Variants in BCCIP observed in about 807,000 individuals in gnomAD.
BCCIP encodes the protein BRCA2 and CDKN1A interacting protein.
A neutral mutation model predicts 32.8 loss-of-function variants in BCCIP; 23 were observed. That is an observed-to-expected ratio of 0.70 (90% CI 0.51 to 0.99). The LOEUF (loss-of-function observed/expected upper bound fraction) is 0.99. BCCIP is among the 50% of genes least tolerant of loss of function. The pLI, the probability that BCCIP is intolerant of heterozygous loss-of-function variation, is 0.00. For missense variants in BCCIP, 378 were observed against 379.8 expected (o/e 1.00, Z 0.04); for synonymous variants, 144 against 137.6 (o/e 1.05, Z -0.33).
downstream of BCCIP, among the ~76,000 whole-genome samples, chr10:125,840,522 T>C (rs1346629570): frequency 1.3e-5 from 2 of 152,250 alleles, no homozygotes; most frequent in Non-Finnish European, 2.9e-5. Flanking sequence ...GCTGTTCTTG[T>C]CTTCCTCCAA....
At chr10:125,842,820 CTT>C (rs879067600), downstream of BCCIP, 1 of 940,224 alleles carries the variant, frequency 1.1e-6, no homozygotes, top group African/African-American at 1.8e-5. Flanking sequence ...CTCTCCATCT[CTT>C]TATTTCTTTT....
intron 1 of BCCIP, among the ~76,000 whole-genome samples, chr10:125,825,010 C>T (rs1050771198): frequency 6.6e-6 from 1 of 152,254 alleles, no homozygotes; most frequent in Non-Finnish European, 1.5e-5. Context: ...TCTTCCTTCC[C>T]TTACAAATTT....
At chr10:125,825,715 C>G (rs1259513207) in intron 1 of BCCIP, 1 of 152,212 alleles carries the variant, frequency 6.6e-6, no homozygotes, top group Non-Finnish European at 1.5e-5. Flanking sequence ...CCTGAAGTGC[C>G]TTTAAATATA....
intron 2 of BCCIP, 26 bp downstream of exon 2, chr10:125,826,691 A>G: frequency 6.2e-7 from 1 of 1,610,384 alleles, no homozygotes. Context: ...TATTATGCAT[A>G]AATTTCCTCT....
chr10:125,839,046 G>A, downstream of BCCIP: 1 of 1,614,182 alleles, frequency 6.2e-7, no homozygotes, highest in South Asian at 1.1e-5. Context: ...TGTTTAGAGT[G>A]TTTTCCTTGG....
downstream of BCCIP, among the ~76,000 whole-genome samples, chr10:125,844,843 C>T (rs747627043): frequency 3.9e-5 from 6 of 152,234 alleles, no homozygotes; most frequent in Non-Finnish European, 7.3e-5. Context: ...CTTTATTAAG[C>T]TCGCTTGCCA....
intron 3 of BCCIP, 95 bp downstream of exon 3, chr10:125,827,733 G>A: frequency 1.1e-6 from 1 of 924,658 alleles, no homozygotes; most frequent in African/African-American, 1.7e-5. Flanking sequence ...ACTTTGGGAA[G>A]CAAAGGTGGG....
At chr10:125,835,955 T>G in intron 6 of BCCIP, 149 bp from the exon 7 acceptor site, 1 of 691,654 alleles carries the variant, frequency 1.4e-6, no homozygotes, top group Non-Finnish European at 2.4e-6. Flanking sequence ...AATGTCCCAT[T>G]TGAACTTTTT....
downstream of BCCIP, chr10:125,841,089 C>A: frequency 6.9e-7 from 1 of 1,447,986 alleles, no homozygotes. Flanking sequence ...CTGTTAGTGG[C>A]ATGGCTCCTG....
At chr10:125,827,845 G>A (rs150477909) in intron 3 of BCCIP, among the ~76,000 whole-genome samples, 196 of 151,988 alleles carry the variant, frequency 1.3e-3, no homozygotes, top group Non-Finnish European at 2.2e-3. Flanking sequence ...AGTAGCACAT[G>A]CCTGTAGTCT....
intron 1 of BCCIP, 80 bp from the exon 2 acceptor site, chr10:125,826,511 A>G (rs1425725801): frequency 3.2e-6 from 5 of 1,580,724 alleles, no homozygotes; most frequent in Non-Finnish European, 3.4e-6. Context: ...ACAGATGGCA[A>G]TCTTGGCAAT....
At chr10:125,825,896 ACATT>A (rs1854378648) in intron 1 of BCCIP, 1 of 152,214 alleles carries the variant, frequency 6.6e-6, no homozygotes, top group African/African-American at 2.4e-5. Flanking sequence ...GCCCAGCTAC[ACATT>A]CATTCTTCTA....
intron 7 of BCCIP, chr10:125,853,040 C>G: frequency 1.0e-6 from 1 of 993,406 alleles, no homozygotes; most frequent in Non-Finnish European, 1.5e-6. Context: ...TTGGTGGTCT[C>G]ACCTTTACAA....
At chr10:125,853,338 G>A (rs963562657) in exon 8 of BCCIP, 18 of 646,758 alleles carry the variant, frequency 2.8e-5, no homozygotes, top group African/African-American at 5.6e-5. Flanking sequence ...TGTTAGTTTC[G>A]TTTGAGATCT....
intron 6 of BCCIP, 168 bp downstream of exon 6, chr10:125,834,114 T>C: frequency 2.8e-6 from 2 of 705,590 alleles, no homozygotes. Flanking sequence ...AGGTGCATAG[T>C]AGGTACTCAG....
downstream of BCCIP, among the ~76,000 whole-genome samples, chr10:125,837,171 G>A (rs954617037): frequency 2.6e-5 from 4 of 152,154 alleles, no homozygotes; most frequent in Non-Finnish European, 4.4e-5. Context: ...GGCACCAATC[G>A]TATGCTTAAG....
exon 8 of BCCIP, chr10:125,853,160 C>T (rs759419242): frequency 6.2e-7 from 1 of 1,612,902 alleles, no homozygotes; most frequent in Non-Finnish European, 8.5e-7. Flanking sequence ...CCTGGTTTCT[C>T]TGAAGGCTGG....
At chr10:125,841,187 TTG>T (rs34263964), downstream of BCCIP, 130 of 1,390,918 alleles carry the variant, frequency 9.3e-5, no homozygotes, top group Non-Finnish European at 1.2e-4. Flanking sequence ...CCCTCTCCTT[TTG>T]TGTGTGTGTG....
At chr10:125,840,737 A>C (rs1854853908), downstream of BCCIP, 1 of 1,250,822 alleles carries the variant, frequency 8.0e-7, no homozygotes, top group Non-Finnish European at 1.1e-6. Flanking sequence ...ATTGCATTCA[A>C]GTGGCCAGTA....
Sources: allele counts gnomAD v4.1 joint callset (sites outside exome capture counted in the v4.1 genomes callset), GRCh38; gene constraint gnomAD v4.1.1; transcripts MANE v1.5; gene names NCBI Gene and HGNC (gene_info 2026-07-23, HGNC 2026-07-21).